UNC80: variants seen among roughly 807,000 people sequenced by gnomAD.
UNC80 encodes protein unc-80 homolog.
A neutral mutation model predicts 384.6 loss-of-function variants in UNC80; 164 were observed. The observed-to-expected ratio is 0.43, with a 90% CI of 0.38 to 0.49. The LOEUF (loss-of-function observed/expected upper bound fraction) is 0.49, where lower values mean the gene tolerates loss of function less well. Ranked by LOEUF, UNC80 falls within the 20% of genes least tolerant of loss-of-function variation. The pLI, the probability that UNC80 is intolerant of heterozygous loss-of-function variation, is 0.00. For missense variants in UNC80, 3,330 were observed against 4,143.0 expected, an observed-to-expected ratio of 0.80 and a Z score of 5.39; for synonymous variants, 1,486 against 1,527.8, an observed-to-expected ratio of 0.97 and a Z score of 0.64.
intron 62 of UNC80, 64 bp from the exon 63 acceptor site, chr2:209,993,251 A>G: frequency 3.2e-6 from 4 of 1,255,702 alleles, no homozygotes; most frequent in Non-Finnish European, 4.5e-6. Flanking sequence ...ATATAAATAA[A>G]GAAACAATTT....
At chr2:209,993,036 T>C (rs1250346466) in intron 62 of UNC80, among the ~76,000 whole-genome samples, 1 of 152,242 alleles carries the variant, frequency 6.6e-6, no homozygotes, top group Admixed American at 6.5e-5. Context: ...GCAATAGTTA[T>C]TCACTTTGCA....
chr2:209,818,329 G>A (rs993289202), intron 11 of UNC80, among the ~76,000 whole-genome samples: 1 of 148,484 alleles, frequency 6.7e-6, no homozygotes, highest in African/African-American at 2.6e-5. Context: ...GCCTTCCAAG[G>A]CCACCAATTT....
chr2:209,826,156 G>A (rs2080503246), intron 14 of UNC80, 103 bp downstream of exon 14: 4 of 1,240,232 alleles, frequency 3.2e-6, no homozygotes, highest in South Asian at 3.6e-5. Flanking sequence ...GAAAAATATT[G>A]TATTTTGTAG....
At chr2:209,921,741 C>T in intron 34 of UNC80, 55 bp downstream of exon 34, 3 of 1,472,152 alleles carry the variant, frequency 2.0e-6, no homozygotes, top group South Asian at 1.4e-5. Context: ...AAATAACGTG[C>T]TCTGAAATTA....
intron 51 of UNC80, among the ~76,000 whole-genome samples, chr2:209,960,245 G>A (rs1469802847): frequency 2.6e-5 from 4 of 152,086 alleles, no homozygotes; most frequent in Admixed American, 6.6e-5. Flanking sequence ...AATGTGTCCT[G>A]GTAAAAATTC....
chr2:209,932,320 C>T (rs2090941912), intron 38 of UNC80, among the ~76,000 whole-genome samples: 1 of 152,166 alleles, frequency 6.6e-6, no homozygotes, highest in Non-Finnish European at 1.5e-5. Context: ...GCCAAGCATC[C>T]ACTACTTCTG....
chr2:209,920,884 G>A lies in UNC80; in HGVS notation c.5344-616G>A, dbSNP rs187466225. On this transcript the variant is annotated intron_variant, in intron 33 of 64. Coordinates refer to ENST00000673920, the MANE Select transcript of UNC80 (RefSeq NM_001371986.1). ...GCTCTGTTGCCCAGGCTGGAGCGCA[G>A]TGGTGTGATCCCGGCTCACTGCAAC... Among the ~76,000 whole-genome samples, 520 of 151,334 alleles carry A rather than the reference G, an allele frequency of 3.4e-3. 4 individuals carry two copies. The highest frequency in any genetic ancestry group is 5.9e-3 in the Non-Finnish European group (398 of 67,890).
At chr2:209,850,184 A>G (rs1329321488) in intron 22 of UNC80, among the ~76,000 whole-genome samples, 1 of 152,142 alleles carries the variant, frequency 6.6e-6, no homozygotes, top group Non-Finnish European at 1.5e-5. Context: ...ATACACGTGT[A>G]AAGGATTAAA....
chr2:209,777,615 C>T (rs766655342), intron 4 of UNC80, 56 bp downstream of exon 4: 130 of 1,512,342 alleles, frequency 8.6e-5, no homozygotes, highest in Non-Finnish European at 1.1e-4. Flanking sequence ...TGAGGGTAGA[C>T]TTCAAATGAT....
intron 60 of UNC80, among the ~76,000 whole-genome samples, chr2:209,983,533 T>C (rs2093209698): frequency 6.6e-6 from 1 of 152,110 alleles, no homozygotes; most frequent in African/African-American, 2.4e-5. Flanking sequence ...CAATAACATG[T>C]CCTAAAAAAG....
At chr2:209,934,441 CA>C (rs577926560) in intron 39 of UNC80, among the ~76,000 whole-genome samples, 33 of 152,146 alleles carry the variant, frequency 2.2e-4, no homozygotes, top group Non-Finnish European at 4.6e-4. Context: ...AGGAGCATTA[CA>C]AAAGAACATG....
intron 48 of UNC80, among the ~76,000 whole-genome samples, chr2:209,954,686 C>A (rs1170331326): frequency 2.6e-5 from 4 of 152,108 alleles, no homozygotes; most frequent in Non-Finnish European, 5.9e-5. Context: ...ACTAAGTATT[C>A]TTTTATTATT....
intron 47 of UNC80, among the ~76,000 whole-genome samples, chr2:209,947,431 T>A (rs1360299501): frequency 6.6e-6 from 1 of 152,252 alleles, no homozygotes; most frequent in East Asian, 1.9e-4. Flanking sequence ...CATAAAATTC[T>A]CTTTCAAGTC....
intron 7 of UNC80, chr2:209,809,660 G>C: frequency 1.7e-6 from 1 of 592,406 alleles, no homozygotes; most frequent in Non-Finnish European, 3.0e-6. Context: ...CCAGAAGGAA[G>C]GAGTACACCA....
chr2:209,921,385 C>T, intron 33 of UNC80, 115 bp from the exon 34 acceptor site: 1 of 1,067,668 alleles, frequency 9.4e-7, no homozygotes. Context: ...CATGGGTATC[C>T]TAACATTTCC....
At chr2:209,887,145 T>A (rs1296989884) in intron 25 of UNC80, among the ~76,000 whole-genome samples, 3 of 152,198 alleles carry the variant, frequency 2.0e-5, no homozygotes, top group African/African-American at 4.8e-5. Context: ...CAAGCAATTC[T>A]CCTGCCTCAG....
chr2:209,876,712 G>T (rs149459204), intron 23 of UNC80, among the ~76,000 whole-genome samples: 2 of 152,126 alleles, frequency 1.3e-5, no homozygotes, highest in Non-Finnish European at 2.9e-5. Flanking sequence ...TTTTGTTGTG[G>T]TGGTGGTTTT....
chr2:209,894,863 A>G (rs1247433553), intron 27 of UNC80, among the ~76,000 whole-genome samples: 2 of 152,232 alleles, frequency 1.3e-5, no homozygotes, highest in African/African-American at 4.8e-5. Flanking sequence ...TCTATTTACC[A>G]GTATGAACAA....
intron 51 of UNC80, among the ~76,000 whole-genome samples, chr2:209,964,649 G>T (rs971844730): frequency 1.3e-5 from 2 of 151,948 alleles, no homozygotes; most frequent in Admixed American, 1.3e-4. Flanking sequence ...TTAGCTGGGC[G>T]TGGTGGCATG....
Sources: allele counts gnomAD v4.1 joint callset (sites outside exome capture counted in the v4.1 genomes callset), GRCh38; gene constraint gnomAD v4.1.1; transcripts MANE v1.5; gene names NCBI Gene and HGNC (gene_info 2026-07-23, HGNC 2026-07-21).